The following POLRMT variants were observed in gnomAD, a reference collection of about 807,000 sequenced individuals.
POLRMT encodes DNA-directed RNA polymerase, mitochondrial.
In POLRMT, 114 loss-of-function variants were observed where a neutral mutation model predicts 132.2. The observed-to-expected ratio is 0.86, with a 90% CI of 0.74 to 1.01. The LOEUF is 1.01. POLRMT is among the 50% of genes least tolerant of loss of function. POLRMT has a pLI of 0.00. For missense variants in POLRMT, 2,003 were observed against 1,729.1 expected, an observed-to-expected ratio of 1.16 and a Z score of -2.81; for synonymous variants, 1,020 against 773.4, an observed-to-expected ratio of 1.32 and a Z score of -5.29.
intron 3 of POLRMT, among the ~76,000 whole-genome samples, chr19:629,206 G>A (rs1330549401): frequency 1.3e-5 from 2 of 151,988 alleles, no homozygotes; most frequent in Admixed American, 1.3e-4. Flanking sequence ...AAGGAGCAAA[G>A]TCAACCCCAA....
rs767754140 is a variant in POLRMT at position 633,523 on chromosome 19, G to A, written c.-11C>T. 4.8e-5 allele frequency: 36 copies of A among 748,670 alleles called. No homozygotes were observed. Among genetic ancestry groups the A allele is most frequent in the South Asian group, 8.2e-5 (3 of 36,414 alleles). The allele number at this position is 748,670 out of a possible 1,614,324, so 46.4% of individuals were successfully genotyped here. On this transcript the variant is annotated 5_prime_UTR_variant, in exon 1 of 21. Coordinates refer to ENST00000588649, the MANE Select transcript of POLRMT (RefSeq NM_005035.4). The stretch of plus-strand genomic sequence containing the variant: ...GCAAAGTGCCGACATTACGCACGCC[G>A]CTCCAGGCCACCCCACCGGCCCGCG...
chr19:624,857 G>A lies in POLRMT; in HGVS notation c.1002C>T (p.Phe334=), dbSNP rs1397716988. 3 of 1,613,042 alleles carry A rather than the reference G, an allele frequency of 1.9e-6. No individual in the cohort carries two copies. The Admixed American group carries it at 5.0e-5, about 27-fold the overall frequency. The part of the protein sequence containing the change: ...SQEGLKLQAL[F]TAVLLSEEDR... ...CCTCCTCAGACAGCAGAACGGCGGT[G>A]AAGAGTGCCTGCAGCTTCAGCCCCT... The change falls in exon 5 of 21, where the codon TTC becomes TTT. Residue 334 remains phenylalanine, a synonymous_variant. Coordinates refer to ENST00000588649, the MANE Select transcript of POLRMT (RefSeq NM_005035.4).
rs869110035 is a variant in POLRMT at position 627,148 on chromosome 19, ATTTTTTTTTTTTT to A, written c.823-1907_823-1895del. 3.3e-5 allele frequency among the ~76,000 whole-genome samples: 4 copies of A among 119,772 alleles called. No individual in the cohort carries two copies. The East Asian group carries it at 9.5e-4, about 28-fold the overall frequency. The allele number at this position is 119,772 out of a possible 152,430, so 78.6% of individuals were successfully genotyped here. ...AGACCAGAGACATGAGTTTTGGGGCATTTTTTTTTTTTTTTTTTTTTGAGACGGAGTCTCGCTC... is the reference window on the plus strand; with the variant it reads ...AGACCAGAGACATGAGTTTTGGGGCATTTTTTTTGAGACGGAGTCTCGCTC... On this transcript the variant is annotated intron_variant, in intron 3 of 20. Coordinates refer to ENST00000588649, the MANE Select transcript of POLRMT (RefSeq NM_005035.4).
intron 13 of POLRMT, 119 bp from the exon 14 acceptor site, chr19:619,415 T>A: frequency 7.3e-7 from 1 of 1,367,738 alleles, no homozygotes; most frequent in Non-Finnish European, 1.0e-6. Flanking sequence ...GGCAGGGGAA[T>A]GGGGCCTGGC....
At chr19:623,284 C>T (rs1326847294) in intron 6 of POLRMT, among the ~76,000 whole-genome samples, 170 bp downstream of exon 6, 2 of 152,238 alleles carry the variant, frequency 1.3e-5, no homozygotes, top group African/African-American at 2.4e-5. Flanking sequence ...CATGACCAGA[C>T]CAGGGCATGA....
At chr19:617,528 T>TTG in intron 19 of POLRMT, 42 bp downstream of exon 19, 15 of 1,136,038 alleles carry the variant, frequency 1.3e-5, no homozygotes, top group South Asian at 9.9e-5. Context: ...GGTTTTGGGG[T>TTG]GGGGGGGGAA....
At position 619,127 on chromosome 19, in the gene POLRMT, G is replaced by A. The variant is rs112813184; in HGVS notation, c.3154-17C>T. 1,550 of 1,610,874 alleles carry A rather than the reference G, an allele frequency of 9.6e-4. 13 individuals carry two copies. The African/African-American group carries it at 0.017, about 18-fold the overall frequency. On this transcript the variant is annotated splice_polypyrimidine_tract_variant and intron_variant, in intron 14 of 20. Transcript: ENST00000588649. ...CAGCCAGTGCTGTGGGACACAGGCC[G>A]TCTCAGGGCAGGGGGCTCAGGCCGG...
intron 10 of POLRMT, 73 bp from the exon 11 acceptor site, chr19:620,560 G>A (rs1984445882): frequency 6.9e-6 from 10 of 1,449,126 alleles, no homozygotes; most frequent in South Asian, 1.4e-5. Flanking sequence ...CTGTGTTGCG[G>A]GGAGGTGGGA....
intron 3 of POLRMT, among the ~76,000 whole-genome samples, chr19:629,257 C>G (rs896280155): frequency 6.6e-6 from 1 of 152,000 alleles, no homozygotes; most frequent in African/African-American, 2.4e-5. Flanking sequence ...CAGGCTGCCC[C>G]CCGACGAGGC....
intron 9 of POLRMT, 85 bp downstream of exon 9, chr19:622,064 G>A: frequency 4.6e-6 from 6 of 1,311,408 alleles, no homozygotes; most frequent in Admixed American, 2.3e-5. Flanking sequence ...CTGAGATCAA[G>A]GCTCCGCCCA....
chr19:618,466 C>G (rs1271768836), intron 17 of POLRMT, 22 bp downstream of exon 17: 2 of 1,561,764 alleles, frequency 1.3e-6, no homozygotes. Context: ...GAGCGGCACC[C>G]ACGCCGTCCG....
intron 9 of POLRMT, 35 bp from the exon 10 acceptor site, chr19:621,881 G>A (rs1191448424): frequency 6.3e-7 from 1 of 1,596,220 alleles, no homozygotes; most frequent in Non-Finnish European, 8.5e-7. Flanking sequence ...CAGGGCCCCG[G>A]TGCTGGGGCT....
chr19:620,135 G>C, intron 11 of POLRMT, 55 bp from the exon 12 acceptor site: 1 of 1,528,600 alleles, frequency 6.5e-7, no homozygotes, highest in Non-Finnish European at 8.8e-7. Flanking sequence ...AGACGTGTGG[G>C]ACCCCAAACC....
Position 618,403 on chromosome 19 carries a change from A to G in POLRMT, c.3422+85T>C. The G allele has an allele frequency of 3.7e-6, 4 of 1,081,904 alleles. No individual in the cohort carries two copies. The South Asian group carries it at 6.0e-5, about 16-fold the overall frequency. The allele number at this position is 1,081,904 out of a possible 1,614,324, so 67.0% of individuals were successfully genotyped here. On this transcript the variant is annotated intron_variant, in intron 17 of 20. Transcript: ENST00000588649. Reference sequence around the variant, plus strand: ...CTCTGCCCAGTCCCTGCCCCCAGCTAGACCCAGCCTTGCCAGCTGTGCCCT... The same window carrying G: ...CTCTGCCCAGTCCCTGCCCCCAGCTGGACCCAGCCTTGCCAGCTGTGCCCT...
rs1984684865 is a variant in POLRMT, at chr19:622,393, G to C, written c.1627-20C>G. 6.5e-6 allele frequency: 10 copies of C among 1,528,388 alleles called. No individual in the cohort carries two copies. In the South Asian group the frequency reaches 1.1e-4, roughly 17 times the overall value. 94.7% of individuals were successfully genotyped at this position (1,528,388 alleles called of 1,614,324 possible). A position where few individuals can be genotyped will look rare whatever the true frequency, so the allele number is the denominator to read the frequency against. On this transcript the variant is annotated intron_variant, in intron 8 of 20. Coordinates refer to ENST00000588649, the MANE Select transcript of POLRMT (RefSeq NM_005035.4). Reference sequence around the variant, plus strand: ...GGGCACCTGTAGGACAGGGCGGTCAGGGCGCTGGGCACCGGGGCCCCTGAG... The same window carrying C: ...GGGCACCTGTAGGACAGGGCGGTCACGGCGCTGGGCACCGGGGCCCCTGAG...
At chr19:622,791 G>C (rs767933288) in intron 7 of POLRMT, 30 bp downstream of exon 7, 1 of 1,571,332 alleles carries the variant, frequency 6.4e-7, no homozygotes, top group Admixed American at 1.9e-5. Flanking sequence ...CGCCCCGCCC[G>C]GGGACCCGGC....
rs1211380616 is a variant in POLRMT at position 622,219 on chromosome 19, T to A, written c.1781A>T (p.Asp594Val). ...VQATQMPCSL[D>V]KPHRSSRLVP... ...AAGCCGAGAGGAACGATGCGGCTTG[T>A]CCAGGCTGCATGGCATCTGCGTAGC... is the stretch of plus-strand genomic sequence containing the variant. Residue 594 changes from aspartate (D) to valine (V), a missense_variant, in exon 9 of 21, where the codon GAC (aspartate) becomes GTC (valine). Coordinates refer to ENST00000588649, the MANE Select transcript of POLRMT (RefSeq NM_005035.4). The A allele has an allele frequency of 6.4e-6, 10 of 1,566,058 alleles. No homozygotes were observed. The highest frequency in any genetic ancestry group is 8.6e-6 in the Non-Finnish European group (10 of 1,158,668).
chr19:630,919 A>G (rs894228507), intron 2 of POLRMT, among the ~76,000 whole-genome samples: 1 of 152,278 alleles, frequency 6.6e-6, no homozygotes. Flanking sequence ...GCACTTTGGG[A>G]GGCCGAGGCA....
At chr19:620,257 C>A in intron 11 of POLRMT, 108 bp downstream of exon 11, 1 of 1,458,332 alleles carries the variant, frequency 6.9e-7, no homozygotes, top group Non-Finnish European at 9.1e-7. Context: ...CACTCTAGGA[C>A]CACCTCCAGA....
Sources: gnomAD v4.1 joint callset for allele counts (sites outside exome capture counted in the v4.1 genomes callset) on GRCh38, gnomAD v4.1.1 for gene constraint, MANE v1.5 for transcripts, NCBI Gene and HGNC (gene_info 2026-07-23, HGNC 2026-07-21) for gene names.